RBM33: variants seen among roughly 807,000 people sequenced by gnomAD.
RBM33 encodes RNA-binding protein 33.
In RBM33, 28 loss-of-function variants were observed where a neutral mutation model predicts 132.6. The ratio of observed to expected loss-of-function variants is 0.21; its 90% CI spans 0.16 to 0.29. The LOEUF (loss-of-function observed/expected upper bound fraction) is 0.29, where lower values mean the gene tolerates loss of function less well. Among genes scored for constraint, RBM33 ranks in the 10% least tolerant of loss-of-function variants. The pLI, the probability that RBM33 is intolerant of heterozygous loss-of-function variation, is 1.00. For synonymous variants in RBM33, 634 were observed against 593.0 expected (o/e 1.07, Z -1.01); for missense variants, 1,291 against 1,518.5 (o/e 0.85, Z 2.49).
At chr7:155,658,686 A>G (rs971256609) in intron 1 of RBM33, among the ~76,000 whole-genome samples, 1 of 152,194 alleles carries the variant, frequency 6.6e-6, no homozygotes, top group African/African-American at 2.4e-5. Flanking sequence ...GGCGTGAGCC[A>G]CCGCGCCCGG....
intron 1 of RBM33, among the ~76,000 whole-genome samples, chr7:155,649,486 CAT>C (rs1380472911): frequency 6.6e-6 from 1 of 152,206 alleles, no homozygotes; most frequent in African/African-American, 2.4e-5. Flanking sequence ...GTCAATTCCA[CAT>C]GATTCACCTG....
intron 8 of RBM33, 67 bp from the exon 9 acceptor site, chr7:155,718,318 A>G: frequency 8.2e-7 from 1 of 1,218,318 alleles, no homozygotes; most frequent in Non-Finnish European, 1.2e-6. Context: ...TAAACTTCAT[A>G]TGTTGTCTTA....
chr7:155,663,602 A>G (rs1798717101), intron 1 of RBM33, among the ~76,000 whole-genome samples: 1 of 152,102 alleles, frequency 6.6e-6, no homozygotes, highest in Non-Finnish European at 1.5e-5. Context: ...CACCTCCAAC[A>G]CTGGGTATTA....
chr7:155,763,449 G>A (rs1272969798), intron 14 of RBM33, among the ~76,000 whole-genome samples: 1 of 152,228 alleles, frequency 6.6e-6, no homozygotes, highest in African/African-American at 2.4e-5. Context: ...TAACAAGAAT[G>A]CTCTTGAAAG....
chr7:155,765,576 C>T (rs1802186453), intron 15 of RBM33, among the ~76,000 whole-genome samples: 1 of 152,174 alleles, frequency 6.6e-6, no homozygotes, highest in Admixed American at 6.5e-5. Flanking sequence ...CTTTTGCATT[C>T]TGCCCGAACT....
chr7:155,717,241 C>A (rs1422178330), intron 8 of RBM33, among the ~76,000 whole-genome samples: 3 of 152,146 alleles, frequency 2.0e-5, no homozygotes. Context: ...TATTTTCTCG[C>A]AGTTCCGGAG....
chr7:155,714,559 G>A (rs1237323158), intron 8 of RBM33, among the ~76,000 whole-genome samples: 3 of 152,174 alleles, frequency 2.0e-5, no homozygotes, highest in Non-Finnish European at 4.4e-5. Flanking sequence ...CATGTCAGCT[G>A]GTGGCATGAG....
intron 1 of RBM33, among the ~76,000 whole-genome samples, 186 bp from the exon 2 acceptor site, chr7:155,664,989 G>A (rs1798762500): frequency 6.6e-6 from 1 of 151,652 alleles, no homozygotes; most frequent in African/African-American, 2.4e-5. Context: ...TTCTTGGATA[G>A]CTTTGTGTTT....
chr7:155,727,720 C>G (rs776014415), intron 9 of RBM33, among the ~76,000 whole-genome samples: 19 of 152,264 alleles, frequency 1.2e-4, no homozygotes, highest in Non-Finnish European at 2.8e-4. Context: ...CAGGTGAGCT[C>G]TCCCTTCTGT....
intron 13 of RBM33, among the ~76,000 whole-genome samples, chr7:155,742,936 G>A (rs181002631): frequency 2.0e-4 from 30 of 152,326 alleles, no homozygotes; most frequent in Admixed American, 1.2e-3. Context: ...GCAGTGCAGC[G>A]AGTTAACTTG....
At chr7:155,677,687 A>C (rs748221028) in intron 3 of RBM33, among the ~76,000 whole-genome samples, 22 of 152,212 alleles carry the variant, frequency 1.4e-4, no homozygotes, top group Non-Finnish European at 2.8e-4. Context: ...ATTTTTGGCT[A>C]TCAGAAATAC....
In RBM33 at chr7:155,774,218, G is replaced by C. The variant is rs1432737542; in HGVS notation, c.3376-341G>C. Among the ~76,000 whole-genome samples, 1 of 152,154 alleles carries C rather than the reference G, an allele frequency of 6.6e-6. No homozygotes were observed. The highest frequency in any genetic ancestry group is 1.5e-5 in the Non-Finnish European group (1 of 68,030). On this transcript the variant is annotated intron_variant, in intron 16 of 17. Transcript: ENST00000401878. The surrounding 1 kb of genome is among the most constrained non-coding windows in gnomAD (Gnocchi z 4.2). ...CTATTAAAAATCACCTGATAAGAAG[G>C]CGTGAGAAGAGGAGATGTCTCTATC...
intron 8 of RBM33, among the ~76,000 whole-genome samples, chr7:155,712,670 T>TCCAC (rs1399383140): frequency 6.6e-6 from 1 of 152,192 alleles, no homozygotes; most frequent in African/African-American, 2.4e-5. Context: ...GGCAGAGTGA[T>TCCAC]CAGCAAGTAT....
Position 155,660,216 on chromosome 7 carries a change from G to C in RBM33, c.44-4959G>C, listed in dbSNP as rs144061423. 8.3e-3 allele frequency among the ~76,000 whole-genome samples: 1,260 copies of C among 152,262 alleles called. 13 individuals carry two copies. The highest frequency in any genetic ancestry group is 0.029 in the African/African-American group (1,201 of 41,534). On this transcript the variant is annotated intron_variant, in intron 1 of 17. Coordinates refer to ENST00000401878, the MANE Select transcript of RBM33 (RefSeq NM_053043.3). ...AACCTCCTGAATGGCTGAGACTACAGGTGTGCACCACCACACCCAGCTAAG... is the reference window on the plus strand; with the variant it reads ...AACCTCCTGAATGGCTGAGACTACACGTGTGCACCACCACACCCAGCTAAG...
intron 1 of RBM33, among the ~76,000 whole-genome samples, chr7:155,653,448 T>C (rs1485290542): frequency 1.3e-5 from 2 of 151,910 alleles, no homozygotes; most frequent in African/African-American, 4.8e-5. Context: ...TTTACTATCT[T>C]TTCTACACTA....
chr7:155,669,857 C>T (rs1283548263), intron 2 of RBM33, among the ~76,000 whole-genome samples: 1 of 152,144 alleles, frequency 6.6e-6, no homozygotes, highest in African/African-American at 2.4e-5. Context: ...CGGTCTTTCT[C>T]CTCCTACTTG....
rs774459083 is a variant in RBM33, at chr7:155,680,923, C to T, written c.567+15C>T. The T allele has an allele frequency of 1.9e-6, 3 of 1,598,600 alleles. No individual in the cohort carries two copies. Among genetic ancestry groups the T allele is most frequent in the Admixed American group, 3.4e-5 (2 of 59,246 alleles). On this transcript the variant is annotated intron_variant, in intron 5 of 17. Transcript: ENST00000401878. ...ATGAATTTACAGTGAGTCTTTTCTCCTTTGTATGGCCAAAGATAACCTGGC... is the reference window on the plus strand; with the variant it reads ...ATGAATTTACAGTGAGTCTTTTCTCTTTTGTATGGCCAAAGATAACCTGGC...
intron 1 of RBM33, among the ~76,000 whole-genome samples, chr7:155,654,092 G>A (rs947496827): frequency 1.3e-5 from 2 of 152,160 alleles, no homozygotes; most frequent in African/African-American, 4.8e-5. Flanking sequence ...TACACATGCA[G>A]CATTTTAAAA....
chr7:155,680,978 G>A lies in RBM33; in HGVS notation c.567+70G>A. On this transcript the variant is annotated intron_variant, in intron 5 of 17. Coordinates refer to ENST00000401878, the MANE Select transcript of RBM33 (RefSeq NM_053043.3). ...CATGCATAGGCTTCTAGACTGATTTGAAATCTATTTACCTCCCCTGGGAGG... is the reference window on the plus strand; with the variant it reads ...CATGCATAGGCTTCTAGACTGATTTAAAATCTATTTACCTCCCCTGGGAGG... 14 of 1,281,622 alleles carry A rather than the reference G, an allele frequency of 1.1e-5. No individual in the cohort carries two copies. In the South Asian group the frequency reaches 1.6e-4, roughly 14 times the overall value. The allele number at this position is 1,281,622 out of a possible 1,614,324, so 79.4% of individuals were successfully genotyped here. A position where few individuals can be genotyped will look rare whatever the true frequency, so the allele number is the denominator to read the frequency against.
Sources: gnomAD v4.1 joint callset for allele counts (sites outside exome capture counted in the v4.1 genomes callset) on GRCh38, gnomAD v4.1.1 for gene constraint, Gnocchi (gnomAD v3.1) non-coding constraint, MANE v1.5 for transcripts, NCBI Gene and HGNC (gene_info 2026-07-23, HGNC 2026-07-21) for gene names.